Variants in TOM1L2 observed in about 807,000 individuals in gnomAD.
The protein encoded by TOM1L2 is target of myb1 like 2 membrane trafficking protein.
In TOM1L2, 31 loss-of-function variants were observed where a neutral mutation model predicts 67.9. The ratio of observed to expected loss-of-function variants is 0.46; its 90% CI spans 0.34 to 0.62. TOM1L2 has a LOEUF of 0.62. TOM1L2 is among the 20% of genes least tolerant of loss of function. TOM1L2 has a pLI of 0.01. For synonymous variants in TOM1L2, 256 were observed against 254.0 expected (o/e 1.01, Z -0.07); for missense variants, 606 against 663.5 (o/e 0.91, Z 0.95).
intron 1 of TOM1L2, among the ~76,000 whole-genome samples, chr17:17,957,305 A>C (rs1456776480): frequency 6.6e-6 from 1 of 152,252 alleles, no homozygotes; most frequent in Non-Finnish European, 1.5e-5. Flanking sequence ...TGGCAGGTAG[A>C]GAAAACAATG....
At chr17:17,957,047 T>C (rs2041488128) in intron 1 of TOM1L2, among the ~76,000 whole-genome samples, 1 of 152,222 alleles carries the variant, frequency 6.6e-6, no homozygotes, top group Admixed American at 6.5e-5. Context: ...GGCACAATCA[T>C]AGCTCGCTGC....
At chr17:17,857,975 C>T (rs2036337122) in intron 12 of TOM1L2, 2 of 842,548 alleles carry the variant, frequency 2.4e-6, no homozygotes, top group Non-Finnish European at 3.8e-6. Context: ...TGATGCCCTG[C>T]TCCCAACCTC....
intron 12 of TOM1L2, among the ~76,000 whole-genome samples, chr17:17,857,226 T>C (rs2036295272): frequency 6.6e-6 from 1 of 152,230 alleles, no homozygotes; most frequent in African/African-American, 2.4e-5. Flanking sequence ...GTGCTGGGAT[T>C]ACAGGCGTGA....
chr17:17,925,854 CAAA>C (rs796898959), intron 1 of TOM1L2, among the ~76,000 whole-genome samples: 10 of 74,090 alleles, frequency 1.3e-4, no homozygotes, highest in East Asian at 4.2e-4. Flanking sequence ...GACCCTGTCT[CAAA>C]AAAAAAAAAA....
At chr17:17,871,160 G>C (rs1350484923) in intron 7 of TOM1L2, among the ~76,000 whole-genome samples, 1 of 151,614 alleles carries the variant, frequency 6.6e-6, no homozygotes, top group Non-Finnish European at 1.5e-5. Context: ...CACGAGGTCA[G>C]GAGATCGAGA....
At chr17:17,912,595 G>A (rs1476785498) in intron 1 of TOM1L2, among the ~76,000 whole-genome samples, 38 of 150,984 alleles carry the variant, frequency 2.5e-4, no homozygotes, top group African/African-American at 3.7e-4. Flanking sequence ...ATGGGCGGCC[G>A]GGCAGAGACG....
chr17:17,850,420 G>A (rs967020478), intron 13 of TOM1L2, among the ~76,000 whole-genome samples: 4 of 152,006 alleles, frequency 2.6e-5, no homozygotes, highest in Non-Finnish European at 4.4e-5. Context: ...AAATCAGGAA[G>A]GGAGGAGGGG....
chr17:17,900,114 G>C (rs888782339), intron 2 of TOM1L2, among the ~76,000 whole-genome samples: 1 of 152,124 alleles, frequency 6.6e-6, no homozygotes, highest in African/African-American at 2.4e-5. Flanking sequence ...TCGGGAGGCT[G>C]AGGCAGGAGA....
intron 1 of TOM1L2, among the ~76,000 whole-genome samples, chr17:17,969,360 G>C (rs1337710943): frequency 6.6e-6 from 1 of 152,082 alleles, no homozygotes; most frequent in Non-Finnish European, 1.5e-5. Context: ...CCAGCCTACA[G>C]CTGCTGTTTT....
rs1465098629 is a variant in TOM1L2 at position 17,846,429 on chromosome 17, A to T, written c.*1206T>A. 6.6e-6 allele frequency: 1 copy of T among 152,282 alleles called. No homozygotes were observed. The highest frequency in any genetic ancestry group is 1.5e-5 in the Non-Finnish European group (1 of 68,084). 9.4% of individuals were successfully genotyped at this position (152,282 alleles called of 1,614,324 possible). On this transcript the variant is annotated 3_prime_UTR_variant, in exon 15 of 15. Coordinates refer to ENST00000379504, the MANE Select transcript of TOM1L2 (RefSeq NM_001082968.2). Reference sequence around the variant, plus strand: ...CGAGTCCCTTGCCCATGGCCAGGAGACACACCAGTGAGGACACGGGATGGG... The same window carrying T: ...CGAGTCCCTTGCCCATGGCCAGGAGTCACACCAGTGAGGACACGGGATGGG...
At chr17:17,924,635 A>G (rs2040012051) in intron 1 of TOM1L2, among the ~76,000 whole-genome samples, 2 of 152,086 alleles carry the variant, frequency 1.3e-5, no homozygotes, top group Admixed American at 1.3e-4. Flanking sequence ...ATGGTGGTAC[A>G]TGCCTGTAGT....
intron 7 of TOM1L2, among the ~76,000 whole-genome samples, chr17:17,873,958 A>G (rs1182090456): frequency 7.1e-6 from 1 of 141,250 alleles, no homozygotes; most frequent in Non-Finnish European, 1.6e-5. Flanking sequence ...TTACTTACTT[A>G]TTTTTTTTTT....
At chr17:17,910,772 T>C (rs2039312557) in intron 1 of TOM1L2, among the ~76,000 whole-genome samples, 1 of 152,076 alleles carries the variant, frequency 6.6e-6, no homozygotes. Context: ...TTTCGGCACG[T>C]TGGCCAGACT....
At chr17:17,901,926 G>A (rs1021303421) in intron 2 of TOM1L2, among the ~76,000 whole-genome samples, 25 of 152,234 alleles carry the variant, frequency 1.6e-4, no homozygotes, top group African/African-American at 6.0e-4. Flanking sequence ...GCTCACGCCT[G>A]TAATCCCAGC....
At chr17:17,909,977 T>G (rs929742944) in intron 1 of TOM1L2, among the ~76,000 whole-genome samples, 11 of 152,166 alleles carry the variant, frequency 7.2e-5, no homozygotes, top group Admixed American at 2.0e-4. Flanking sequence ...TGCAGTGAGA[T>G]ATGATTGAGC....
chr17:17,866,086 C>A (rs1287296677), intron 10 of TOM1L2, among the ~76,000 whole-genome samples: 2 of 151,988 alleles, frequency 1.3e-5, no homozygotes, highest in African/African-American at 4.8e-5. Context: ...TCCCTGCTTT[C>A]CAACATAGAT....
At chr17:17,909,876 A>G (rs796502316) in intron 1 of TOM1L2, among the ~76,000 whole-genome samples, 4 of 152,274 alleles carry the variant, frequency 2.6e-5, no homozygotes, top group African/African-American at 9.6e-5. Context: ...AAAAAATTTA[A>G]AAATTAGCTG....
intron 2 of TOM1L2, 33 bp downstream of exon 2, chr17:17,907,414 G>A: frequency 6.2e-7 from 1 of 1,606,930 alleles, no homozygotes; most frequent in Non-Finnish European, 8.5e-7. Context: ...TAAAAGCTCA[G>A]AGAGGCTTCC....
chr17:17,949,283 T>C (rs1485250206), intron 1 of TOM1L2, among the ~76,000 whole-genome samples: 2 of 152,154 alleles, frequency 1.3e-5, no homozygotes, highest in African/African-American at 4.8e-5. Context: ...CAGCTCACCA[T>C]CCACGACATT....
Sources: gnomAD v4.1 joint callset for allele counts (sites outside exome capture counted in the v4.1 genomes callset) on GRCh38, gnomAD v4.1.1 for gene constraint, MANE v1.5 for transcripts, NCBI Gene and HGNC (gene_info 2026-07-23, HGNC 2026-07-21) for gene names.